MRC1: variants seen among roughly 807,000 people sequenced by gnomAD.
The protein encoded by MRC1 is macrophage mannose receptor 1.
MRC1 carries 62 observed loss-of-function variants against 102.9 expected under a neutral mutation model. The ratio of observed to expected loss-of-function variants is 0.60; its 90% confidence interval spans 0.49 to 0.74. The LOEUF (loss-of-function observed/expected upper bound fraction) is 0.74. Among genes scored for constraint, MRC1 ranks in the 30% least tolerant of loss-of-function variants. The pLI, the probability that MRC1 is intolerant of heterozygous loss-of-function variation, is 0.00. For synonymous variants in MRC1, 457 were observed against 298.4 expected, an observed-to-expected ratio of 1.53 and a Z score of -5.48; for missense variants, 1,237 against 862.8, an observed-to-expected ratio of 1.43 and a Z score of -5.43.
Position 17,849,705 on chromosome 10 carries a change from A to AT in MRC1, c.1190_1191insT (p.Leu398ProfsTer20). On this transcript the variant is annotated frameshift_variant, in exon 7 of 30. Transcript: ENST00000569591. LOFTEE classifies it high-confidence loss of function. ...ACCACCTGCAGGAAGGAAGGCGGTGACCTCACAAGTATCCACACCATCGAG... is the reference window on the plus strand; with the variant it reads ...ACCACCTGCAGGAAGGAAGGCGGTGATCCTCACAAGTATCCACACCATCGAG... 1 of 780,976 alleles carries AT rather than the reference A, an allele frequency of 1.3e-6. No homozygotes were observed. The highest frequency in any genetic ancestry group is 1.3e-5 in the South Asian group (1 of 74,616). 48.4% of individuals were successfully genotyped at this position (780,976 alleles called of 1,614,324 possible).
At chr10:17,871,467 G>T (rs918147185) in intron 14 of MRC1, among the ~76,000 whole-genome samples, 1 of 152,112 alleles carries the variant, frequency 6.6e-6, no homozygotes, top group Admixed American at 6.6e-5. Context: ...CTAGACCCAG[G>T]GCCTCCGTTT....
At chr10:17,900,136 A>G (rs1464130380) in intron 24 of MRC1, among the ~76,000 whole-genome samples, 3 of 151,750 alleles carry the variant, frequency 2.0e-5, no homozygotes, top group African/African-American at 7.3e-5. Context: ...TGACTGTGCA[A>G]GTAGACTAAA....
intron 5 of MRC1, among the ~76,000 whole-genome samples, chr10:17,844,683 G>A (rs1838799718): frequency 6.6e-6 from 1 of 152,118 alleles, no homozygotes; most frequent in Non-Finnish European, 1.5e-5. Flanking sequence ...CAACCAGGCA[G>A]TGAGCATAGA....
chr10:17,828,393 C>A (rs1838517082), intron 3 of MRC1, among the ~76,000 whole-genome samples: 1 of 151,374 alleles, frequency 6.6e-6, no homozygotes, highest in Non-Finnish European at 1.5e-5. Context: ...TTTATTTTTA[C>A]CAACTATCAG....
intron 26 of MRC1, among the ~76,000 whole-genome samples, chr10:17,903,387 T>TC (rs1404614300): frequency 1.4e-5 from 2 of 141,704 alleles, no homozygotes; most frequent in Non-Finnish European, 3.1e-5. Flanking sequence ...CTTTTCTTTT[T>TC]TTTTCTTTTT....
chr10:17,864,837 A>G (rs1252440296), intron 11 of MRC1, among the ~76,000 whole-genome samples: 1 of 151,558 alleles, frequency 6.6e-6, no homozygotes, highest in Non-Finnish European at 1.5e-5. Flanking sequence ...CAAAAAAAAA[A>G]AAAAAAAAAA....
At chr10:17,874,485 A>G (rs2130681483) in intron 16 of MRC1, among the ~76,000 whole-genome samples, 1 of 152,242 alleles carries the variant, frequency 6.6e-6, no homozygotes, top group South Asian at 2.1e-4. Context: ...TCCTAACTTA[A>G]TCATGTCTAT....
At chr10:17,892,411 T>C (rs553835532) in intron 22 of MRC1, among the ~76,000 whole-genome samples, 87 of 152,346 alleles carry the variant, frequency 5.7e-4, no homozygotes, top group African/African-American at 2.0e-3. Context: ...CTCCTGGGCT[T>C]CTGCTCTGGT....
chr10:17,888,978 T>C (rs1833637897), intron 22 of MRC1, among the ~76,000 whole-genome samples: 2 of 152,324 alleles, frequency 1.3e-5, no homozygotes, highest in South Asian at 4.1e-4. Context: ...GAGACTGTTA[T>C]GTCTTGGTGG....
At chr10:17,879,267 A>G (rs968412571) in intron 18 of MRC1, among the ~76,000 whole-genome samples, 2 of 152,242 alleles carry the variant, frequency 1.3e-5, no homozygotes, top group East Asian at 3.9e-4. Context: ...GACACACCAC[A>G]TACTCAGGCA....
At chr10:17,897,895 T>C in intron 23 of MRC1, 139 bp from the exon 24 acceptor site, 2 of 733,500 alleles carry the variant, frequency 2.7e-6, no homozygotes, top group Non-Finnish European at 2.5e-6. Context: ...AAATGGCTTA[T>C]AAAATATTTC....
chr10:17,852,935 G>T lies in MRC1; in HGVS notation c.1250-32G>T, dbSNP rs910813263. 6.4e-6 allele frequency: 5 copies of T among 780,646 alleles called. No individual in the cohort carries two copies. The Admixed American group carries it at 6.8e-5, about 11-fold the overall frequency. 48.4% of individuals were successfully genotyped at this position (780,646 alleles called of 1,614,324 possible). On this transcript the variant is annotated intron_variant, in intron 7 of 29. Transcript: ENST00000569591. ...CCCCGACCTTTGGAAAGCAACCCTT[G>T]TATATACCACTGTGTGTTTCTTCCT...
intron 5 of MRC1, among the ~76,000 whole-genome samples, chr10:17,842,643 T>G (rs1838769082): frequency 2.6e-5 from 4 of 152,224 alleles, no homozygotes; most frequent in Admixed American, 2.6e-4. Context: ...TCAATCAGAT[T>G]ATTAGACAAT....
rs1833836063 is a variant in MRC1, at chr10:17,902,024, A to G, written c.3701A>G (p.Asp1234Gly). ...PQLPGRCPESDHTAWIPFHGH... is the reference protein window; with the variant it reads ...PQLPGRCPESGHTAWIPFHGH... ...CTGCCTGGCAGATGCCCGGAGTCAGATCACACAGCATGGATTCCTTTCCAT... is the reference window on the plus strand; with the variant it reads ...CTGCCTGGCAGATGCCCGGAGTCAGGTCACACAGCATGGATTCCTTTCCAT... The change falls in exon 26 of 30, where the codon GAT becomes GGT. Residue 1234 changes from aspartate (D) to glycine (G), a missense_variant. Coordinates refer to ENST00000569591, the MANE Select transcript of MRC1 (RefSeq NM_002438.4). 3 of 780,710 alleles carry G rather than the reference A, an allele frequency of 3.8e-6. No homozygotes were observed. In the South Asian group the frequency reaches 4.0e-5, roughly 10 times the overall value. The allele number at this position is 780,710 out of a possible 1,614,324, so 48.4% of individuals were successfully genotyped here.
chr10:17,862,518 A>G (rs1241033333), intron 10 of MRC1, among the ~76,000 whole-genome samples: 1 of 152,088 alleles, frequency 6.6e-6, no homozygotes, highest in Admixed American at 6.5e-5. Context: ...GTACATCCAG[A>G]TGTGCATGAT....
chr10:17,896,259 G>A (rs1833753765), intron 23 of MRC1, among the ~76,000 whole-genome samples: 1 of 152,154 alleles, frequency 6.6e-6, no homozygotes, highest in Admixed American at 6.5e-5. Flanking sequence ...GTCAACTCAT[G>A]ACAATGACTG....
Position 17,898,047 on chromosome 10 carries a change from T to G in MRC1, c.3264T>G (p.Thr1088=), listed in dbSNP as rs1833779358. The G allele has an allele frequency of 1.3e-6, 1 of 780,896 alleles. No individual in the cohort carries two copies. The highest frequency in any genetic ancestry group is 2.3e-4 in the Middle Eastern group (1 of 4,436). The allele number at this position is 780,896 out of a possible 1,614,324, so 48.4% of individuals were successfully genotyped here. The change falls in exon 24 of 30, where the codon ACT becomes ACG. Residue 1088 remains threonine (T), a synonymous_variant. Transcript: ENST00000569591. ...ICQTRSDPSL[T]NPPATIQTDG... is the part of the protein sequence containing the mutation. ...GTTTTTATCTAGACCCTTCCTTGAC[T>G]AATCCTCCAGCAACGATTCAAACAG...
intron 4 of MRC1, among the ~76,000 whole-genome samples, chr10:17,835,475 C>T (rs1838648764): frequency 1.3e-5 from 2 of 152,104 alleles, no homozygotes; most frequent in African/African-American, 4.8e-5. Flanking sequence ...AGAAAACAAA[C>T]AAATGAATAG....
chr10:17,856,419 TTA>T (rs1284522602), intron 9 of MRC1, 67 bp downstream of exon 9: 9 of 803,042 alleles, frequency 1.1e-5, no homozygotes, highest in Non-Finnish European at 1.7e-5. Flanking sequence ...GGCTTTATTT[TTA>T]TGTGTGAAAG....
Sources: gnomAD v4.1 joint callset for allele counts (sites outside exome capture counted in the v4.1 genomes callset) on GRCh38, gnomAD v4.1.1 for gene constraint, MANE v1.5 for transcripts, NCBI Gene and HGNC (gene_info 2026-07-23, HGNC 2026-07-21) for gene names.